Variants in PLA2G4A observed in about 807,000 individuals in gnomAD.
PLA2G4A encodes the protein phospholipase A2 group IVA, also known as cytosolic phospholipase A2.
In PLA2G4A, 40 loss-of-function variants were observed where a neutral mutation model predicts 81.9. The observed-to-expected ratio is 0.49, with a 90% CI of 0.38 to 0.64. PLA2G4A has a LOEUF of 0.64. Ranked by LOEUF, PLA2G4A falls within the 30% of genes least tolerant of loss-of-function variation. The pLI, the probability that PLA2G4A is intolerant of heterozygous loss-of-function variation, is 0.00. For missense variants in PLA2G4A, 715 were observed against 905.1 expected (o/e 0.79, Z 2.69); for synonymous variants, 302 against 296.9 (o/e 1.02, Z -0.18).
intron 5 of PLA2G4A, among the ~76,000 whole-genome samples, chr1:186,905,286 C>T (rs1025146425): frequency 1.3e-5 from 2 of 152,092 alleles, no homozygotes; most frequent in African/African-American, 4.8e-5. Flanking sequence ...TTAGAAAACT[C>T]TACATAGAGT....
chr1:186,874,355 C>A (rs577939238), intron 3 of PLA2G4A, among the ~76,000 whole-genome samples: 32 of 122,856 alleles, frequency 2.6e-4, no homozygotes, highest in African/African-American at 9.6e-4. Flanking sequence ...CAATAGCTAC[C>A]TTACTGAATT....
intron 14 of PLA2G4A, among the ~76,000 whole-genome samples, chr1:186,956,863 C>T (rs1383348710): frequency 6.6e-6 from 1 of 151,976 alleles, no homozygotes; most frequent in Non-Finnish European, 1.5e-5. Context: ...ATGGCCTAGA[C>T]ATGTCAGTAT....
intron 1 of PLA2G4A, among the ~76,000 whole-genome samples, chr1:186,843,080 T>C (rs867550386): frequency 6.6e-6 from 1 of 152,180 alleles, no homozygotes; most frequent in South Asian, 2.1e-4. Context: ...TTTGTAGAGA[T>C]TGGTTGTGGG....
chr1:186,950,166 G>T (rs549486404), intron 12 of PLA2G4A, among the ~76,000 whole-genome samples: 6 of 152,244 alleles, frequency 3.9e-5, no homozygotes, highest in African/African-American at 1.4e-4. Context: ...GACACCAAAA[G>T]GTGAATTTCA....
intron 8 of PLA2G4A, among the ~76,000 whole-genome samples, chr1:186,935,727 G>A (rs943292902): frequency 1.3e-5 from 2 of 151,716 alleles, no homozygotes; most frequent in Admixed American, 6.6e-5. Context: ...GAAGGAATTC[G>A]GAAAGTCTTG....
intron 7 of PLA2G4A, among the ~76,000 whole-genome samples, chr1:186,919,198 TA>T (rs1303244872): frequency 6.6e-6 from 1 of 152,210 alleles, no homozygotes; most frequent in Non-Finnish European, 1.5e-5. Context: ...CCCCTCTTTG[TA>T]ACCCCGTACA....
intron 1 of PLA2G4A, among the ~76,000 whole-genome samples, chr1:186,846,399 T>C (rs1652175588): frequency 6.6e-6 from 1 of 152,206 alleles, no homozygotes; most frequent in Non-Finnish European, 1.5e-5. Flanking sequence ...TTTATAAATA[T>C]AAATTAGATC....
chr1:186,970,738 G>C (rs1432640668), intron 15 of PLA2G4A, among the ~76,000 whole-genome samples: 2 of 151,890 alleles, frequency 1.3e-5, no homozygotes, highest in South Asian at 2.1e-4. Context: ...TTTATTTCTG[G>C]GTTCTCTATT....
In PLA2G4A at chr1:186,852,243, A is replaced by G. The variant is rs535064361; in HGVS notation, c.-69-2043A>G. Among the ~76,000 whole-genome samples the G allele has an allele frequency of 2.6e-5, 4 of 152,128 alleles. No homozygotes were observed. In the South Asian group the frequency reaches 6.2e-4, roughly 24 times the overall value. On this transcript the variant is annotated intron_variant, in intron 1 of 17. Transcript: ENST00000367466. ...GAGATAGTAACACAACAAAAACTAC[A>G]TAAGTGGATGTTAGATGGTCATAAA...
intron 15 of PLA2G4A, among the ~76,000 whole-genome samples, chr1:186,966,592 C>T (rs902525217): frequency 2.6e-5 from 4 of 152,116 alleles, no homozygotes; most frequent in Admixed American, 1.3e-4. Context: ...TAAAAGTCCG[C>T]CTGTGTTGAA....
chr1:186,916,181 CTCG>C (rs1571398030), intron 7 of PLA2G4A, among the ~76,000 whole-genome samples: 1 of 134,594 alleles, frequency 7.4e-6, no homozygotes, highest in African/African-American at 2.8e-5. Context: ...ACTTCTCCTC[CTCG>C]AACCAAGATA....
At chr1:186,830,621 A>AAAAAAAAAAAAAAAAAAAAAAAAT (rs1651517939) in intron 1 of PLA2G4A, among the ~76,000 whole-genome samples, 1 of 151,314 alleles carries the variant, frequency 6.6e-6, no homozygotes, top group African/African-American at 2.4e-5. Context: ...AAAAAAAAAA[A>AAAAAAAAAAAAAAAAAAAAAAAAT]AAAAAAAAAA....
At chr1:186,938,562 G>C (rs1012685813) in intron 8 of PLA2G4A, among the ~76,000 whole-genome samples, 3 of 152,154 alleles carry the variant, frequency 2.0e-5, no homozygotes, top group Non-Finnish European at 4.4e-5. Flanking sequence ...ATTTACAATA[G>C]TTGGGACAAC....
intron 2 of PLA2G4A, among the ~76,000 whole-genome samples, chr1:186,861,891 G>A (rs184030834): frequency 1.4e-4 from 21 of 151,908 alleles, no homozygotes; most frequent in African/African-American, 5.1e-4. Flanking sequence ...CCCATTGAAG[G>A]CTGTGTGCTC....
chr1:186,937,625 T>G (rs987473260), intron 8 of PLA2G4A, among the ~76,000 whole-genome samples: 1 of 151,954 alleles, frequency 6.6e-6, no homozygotes, highest in Middle Eastern at 3.4e-3. Context: ...AACTGATTAT[T>G]ATTCTCAGCT....
rs71571011 is a variant in PLA2G4A at position 186,934,443 on chromosome 1, C to CATAT, written c.695+1562_695+1565dup. On this transcript the variant is annotated intron_variant, in intron 8 of 17. Coordinates refer to ENST00000367466, the MANE Select transcript of PLA2G4A (RefSeq NM_024420.3). Reference sequence around the variant, plus strand: ...TAATTAAAAGGATTTTAAATGTGCACATATATATATATATATATATACATA... The same window carrying CATAT: ...TAATTAAAAGGATTTTAAATGTGCACATATATATATATATATATATATATACATA... Among the ~76,000 whole-genome samples the CATAT allele has an allele frequency of 8.1e-4, 81 of 99,564 alleles. 1 individual carries two copies. The highest frequency in any genetic ancestry group is 2.6e-3 in the African/African-American group (57 of 22,256). The allele number at this position is 99,564 out of a possible 152,430, so 65.3% of individuals were successfully genotyped here.
At chr1:186,883,783 C>T (rs900299822) in intron 3 of PLA2G4A, among the ~76,000 whole-genome samples, 3 of 152,030 alleles carry the variant, frequency 2.0e-5, no homozygotes, top group Non-Finnish European at 2.9e-5. Context: ...TGAGAAAAAG[C>T]TCACTGAATT....
At chr1:186,905,947 G>C (rs1189326900) in intron 5 of PLA2G4A, among the ~76,000 whole-genome samples, 1 of 152,118 alleles carries the variant, frequency 6.6e-6, no homozygotes, top group Non-Finnish European at 1.5e-5. Context: ...TCTAGTCTGT[G>C]TTTTTCCCTT....
chr1:186,925,392 A>T (rs955070187), intron 7 of PLA2G4A, among the ~76,000 whole-genome samples: 3 of 152,140 alleles, frequency 2.0e-5, no homozygotes, highest in African/African-American at 2.4e-5. Context: ...ATTTCTATCC[A>T]TCCCAAGTTT....
Sources: gnomAD v4.1 joint callset for allele counts (sites outside exome capture counted in the v4.1 genomes callset) on GRCh38, gnomAD v4.1.1 for gene constraint, MANE v1.5 for transcripts, NCBI Gene and HGNC (gene_info 2026-07-23, HGNC 2026-07-21) for gene names.